The following APC variants were observed in gnomAD, a reference collection of about 807,000 sequenced individuals.
APC encodes adenomatous polyposis coli protein.
A neutral mutation model predicts 247.0 loss-of-function variants in APC; 72 were observed. The observed-to-expected ratio is 0.29, with a 90% confidence interval of 0.24 to 0.35. The LOEUF (loss-of-function observed/expected upper bound fraction) is 0.35, where lower values mean the gene tolerates loss of function less well. Ranked by LOEUF, APC falls within the 10% of genes least tolerant of loss-of-function variation. APC has a pLI of 1.00. For synonymous variants in APC, 1,254 were observed against 1,162.5 expected (o/e 1.08, Z -1.60); for missense variants, 3,400 against 3,360.7 (o/e 1.01, Z -0.29).
At chr5:112,768,387 A>G (rs1419753113) in intron 4 of APC, among the ~76,000 whole-genome samples, 30 of 151,642 alleles carry the variant, frequency 2.0e-4, no homozygotes. Flanking sequence ...GAAAAAAAGT[A>G]GTAACTGGAT....
At chr5:112,715,312 A>G (rs1309055588) in intron 1 of APC, among the ~76,000 whole-genome samples, 2 of 152,238 alleles carry the variant, frequency 1.3e-5, no homozygotes, top group East Asian at 3.8e-4. Context: ...GGACATAGTC[A>G]ATAAATATTA....
Position 112,761,364 on chromosome 5 carries a change from A to G in APC, c.136-4962A>G, listed in dbSNP as rs529530432. 4.6e-5 allele frequency among the ~76,000 whole-genome samples: 7 copies of G among 152,326 alleles called. No individual in the cohort carries two copies. The South Asian group carries it at 6.2e-4, about 14-fold the overall frequency. On this transcript the variant is annotated intron_variant, in intron 2 of 15. Coordinates refer to ENST00000257430, the MANE Select transcript of APC (RefSeq NM_000038.6). Reference sequence around the variant, plus strand: ...GCAGTTAGTAGTCAAGGATTTTAACATAAGTATTATAAATGTCTTGAAAAA... The same window carrying G: ...GCAGTTAGTAGTCAAGGATTTTAACGTAAGTATTATAAATGTCTTGAAAAA...
At chr5:112,828,737 C>T (rs1763990715) in intron 13 of APC, 119 bp from the exon 14 acceptor site, 1 of 733,168 alleles carries the variant, frequency 1.4e-6, no homozygotes, top group South Asian at 1.6e-5. Flanking sequence ...GCGTGAGTCA[C>T]CACGGCTAGC....
chr5:112,758,854 C>T (rs1190443668), intron 2 of APC, among the ~76,000 whole-genome samples: 3 of 152,132 alleles, frequency 2.0e-5, no homozygotes, highest in Non-Finnish European at 4.4e-5. Flanking sequence ...CCACCCGCCT[C>T]GGCCTCTCAA....
rs80313086 is a variant in APC, at chr5:112,737,978, T to C, written c.-19+53T>C. 1,078 of 948,950 alleles carry C rather than the reference T, an allele frequency of 1.1e-3. 16 individuals carry two copies. The African/African-American group carries it at 0.018, about 16-fold the overall frequency. 58.8% of individuals were successfully genotyped at this position (948,950 alleles called of 1,614,324 possible). A position where few individuals can be genotyped will look rare whatever the true frequency, so the allele number is the denominator to read the frequency against. On this transcript the variant is annotated intron_variant, in intron 1 of 15. Coordinates refer to ENST00000257430, the MANE Select transcript of APC (RefSeq NM_000038.6). The stretch of plus-strand genomic sequence containing the variant: ...CTTGCTGCGGGGGGAGGGGGGAAGG[T>C]GGTTTTCCCTCGCACTGTCTTAAAC...
In APC at chr5:112,838,178, A is replaced by G. The variant is rs755221428; in HGVS notation, c.2584A>G (p.Asn862Asp). The G allele has an allele frequency of 8.1e-6, 13 of 1,614,194 alleles. No homozygotes were observed. The highest frequency in any genetic ancestry group is 1.1e-5 in the Non-Finnish European group (13 of 1,180,034). The change falls in exon 16 of 16, where the codon AAC becomes GAC. Residue 862 changes from asparagine to aspartate, a missense_variant. Coordinates refer to ENST00000257430, the MANE Select transcript of APC (RefSeq NM_000038.6). ...GAGAGAACGCGGAATTGGTCTAGGCAACTACCATCCAGCAACAGAAAATCC... is the reference window on the plus strand; with the variant it reads ...GAGAGAACGCGGAATTGGTCTAGGCGACTACCATCCAGCAACAGAAAATCC... ...LERERGIGLG[N>D]YHPATENPGT...
chr5:112,796,123 T>C (rs1047702512), intron 7 of APC, among the ~76,000 whole-genome samples: 2 of 152,212 alleles, frequency 1.3e-5, no homozygotes, highest in African/African-American at 4.8e-5. Flanking sequence ...TTTAACTCCA[T>C]GGACAACAGG....
chr5:112,819,422 T>C, intron 10 of APC, 78 bp downstream of exon 10: 1 of 1,555,830 alleles, frequency 6.4e-7, no homozygotes, highest in Middle Eastern at 1.9e-4. Context: ...CATGTTTAGT[T>C]AATATGCTGT....
intron 10 of APC, 134 bp downstream of exon 10, chr5:112,819,478 T>G: frequency 8.3e-7 from 1 of 1,201,394 alleles, no homozygotes; most frequent in Non-Finnish European, 1.2e-6. Flanking sequence ...TTTGTGCTAC[T>G]CATATTTAAA....
At chr5:112,809,365 C>T (rs1761747569) in intron 8 of APC, among the ~76,000 whole-genome samples, 1 of 151,680 alleles carries the variant, frequency 6.6e-6, no homozygotes, top group East Asian at 1.9e-4. Flanking sequence ...ATAAAATAAA[C>T]ACACAAAGTA....
chr5:112,790,910 AC>A (rs1438597680), intron 6 of APC, among the ~76,000 whole-genome samples: 1 of 152,180 alleles, frequency 6.6e-6, no homozygotes, highest in Non-Finnish European at 1.5e-5. Flanking sequence ...TAACACACAC[AC>A]ACCCCTTATT....
chr5:112,835,920 G>C (rs1764840114), intron 15 of APC, among the ~76,000 whole-genome samples: 1 of 150,492 alleles, frequency 6.6e-6, no homozygotes, highest in African/African-American at 2.4e-5. Context: ...CAATCTGCTA[G>C]AGTTGTAAAA....
At chr5:112,810,597 A>G (rs1379563548) in intron 8 of APC, among the ~76,000 whole-genome samples, 1 of 152,182 alleles carries the variant, frequency 6.6e-6, no homozygotes, top group Non-Finnish European at 1.5e-5. Flanking sequence ...AAATTTCTCT[A>G]ATGCTGCCTG....
chr5:112,716,545 AT>A (rs919310519), intron 1 of APC, among the ~76,000 whole-genome samples: 14 of 151,628 alleles, frequency 9.2e-5, no homozygotes, highest in Admixed American at 2.0e-4. Flanking sequence ...AGGTCTCTGT[AT>A]TTTTTTTATT....
chr5:112,764,414 A>G (rs1756037547), intron 2 of APC, among the ~76,000 whole-genome samples: 1 of 152,220 alleles, frequency 6.6e-6, no homozygotes, highest in Non-Finnish European at 1.5e-5. Flanking sequence ...AAGAGAGCTA[A>G]TAGAGGTAGA....
chr5:112,838,030 CAATTTT>C lies in APC; in HGVS notation c.2440_2445del (p.Phe814_Asn815del), dbSNP rs1765182365. On this transcript the variant is annotated inframe_deletion, in exon 16 of 16. Coordinates refer to ENST00000257430, the MANE Select transcript of APC (RefSeq NM_000038.6). ...ATCGACATGATGATAATAGGTCAGA[CAATTTT>C]AATACTGGCAACATGACTGTCCTTT... 4 of 1,614,098 alleles carry C rather than the reference CAATTTT, an allele frequency of 2.5e-6. No homozygotes were observed. Among genetic ancestry groups the C allele is most frequent in the South Asian group, 2.2e-5 (2 of 91,070 alleles).
At chr5:112,750,835 A>G (rs1281722302) in intron 1 of APC, among the ~76,000 whole-genome samples, 1 of 152,202 alleles carries the variant, frequency 6.6e-6, no homozygotes, top group Non-Finnish European at 1.5e-5. Flanking sequence ...CTCATAAGCA[A>G]TGAAATGTTT....
At chr5:112,742,755 T>A (rs1387791437) in intron 1 of APC, among the ~76,000 whole-genome samples, 1 of 152,172 alleles carries the variant, frequency 6.6e-6, no homozygotes, top group Non-Finnish European at 1.5e-5. Flanking sequence ...ATTCTCTTTA[T>A]TAGATATGAG....
chr5:112,742,605 C>T (rs529272819), intron 1 of APC, among the ~76,000 whole-genome samples: 3 of 152,302 alleles, frequency 2.0e-5, no homozygotes, highest in South Asian at 2.1e-4. Flanking sequence ...GGCAAGAGAC[C>T]TCAGTTCCTT....
Sources: allele counts gnomAD v4.1 joint callset (sites outside exome capture counted in the v4.1 genomes callset), GRCh38; gene constraint gnomAD v4.1.1; transcripts MANE v1.5; gene names NCBI Gene and HGNC (gene_info 2026-07-23, HGNC 2026-07-21).